SHQ1: variants seen among roughly 807,000 people sequenced by gnomAD.
SHQ1 encodes SHQ1, H/ACA ribonucleoprotein assembly factor, also known as protein SHQ1 homolog.
In SHQ1, 49 loss-of-function variants were observed where a neutral mutation model predicts 53.8. The ratio of observed to expected loss-of-function variants is 0.91; its 90% CI spans 0.72 to 1.16. SHQ1 has a LOEUF of 1.16. Among genes scored for constraint, SHQ1 ranks in the 50% most tolerant of loss-of-function variants. SHQ1 has a pLI of 0.00. For missense variants in SHQ1, 738 were observed against 683.1 expected, an observed-to-expected ratio of 1.08 and a Z score of -0.90; for synonymous variants, 243 against 251.0, an observed-to-expected ratio of 0.97 and a Z score of 0.30.
At position 72,844,394 on chromosome 3, in the gene SHQ1, T is replaced by A. The variant is rs1318215376; in HGVS notation, c.173A>T (p.Asn58Ile). The A allele has an allele frequency of 3.7e-6, 6 of 1,613,742 alleles. No individual in the cohort carries two copies. Among genetic ancestry groups the A allele is most frequent in the Non-Finnish European group, 5.1e-6 (6 of 1,179,860 alleles). ...ATCATAGGACCCTTGCTCACTTCCATTTTCTACAATTCTTCCAGGAAGGGT... is the reference window on the plus strand; with the variant it reads ...ATCATAGGACCCTTGCTCACTTCCAATTTCTACAATTCTTCCAGGAAGGGT... The part of the protein sequence containing the change: ...RLTLPGRIVE[N>I]GSEQGSYDAD... Residue 58 changes from asparagine to isoleucine, a missense_variant, in exon 2 of 11, where the codon AAT becomes ATT. By Grantham distance (149) the Asn-to-Ile change is moderately radical. Coordinates refer to ENST00000325599, the MANE Select transcript of SHQ1 (RefSeq NM_018130.3).
Position 72,832,424 on chromosome 3 carries a change from G to A in SHQ1, c.544C>T (p.Arg182Ter), listed in dbSNP as rs1040831506. 17 of 1,612,786 alleles carry A rather than the reference G, an allele frequency of 1.1e-5. No individual in the cohort carries two copies. The highest frequency in any genetic ancestry group is 1.9e-4 in the Middle Eastern group (1 of 5,188). The change falls in exon 5 of 11, where the codon CGA becomes TGA. Residue 182 changes from arginine to a stop codon, truncating the protein, a stop_gained. Coordinates refer to ENST00000325599, the MANE Select transcript of SHQ1 (RefSeq NM_018130.3). LOFTEE classifies it high-confidence loss of function. ...KDPDFTPAAE[R>*]RQKRLAAELA... ...TCAGCGGCCAGGCGCTTCTGTCTTC[G>A]TTCAGCTGCAGGGGTGAAATCTGGA...
intron 9 of SHQ1, among the ~76,000 whole-genome samples, chr3:72,799,080 G>A (rs1030246839): frequency 3.3e-5 from 5 of 151,912 alleles, no homozygotes; most frequent in Admixed American, 1.3e-4. Flanking sequence ...CAACACTATA[G>A]GAGGCGCCAA....
intron 10 of SHQ1, among the ~76,000 whole-genome samples, chr3:72,775,119 A>T (rs571617829): frequency 6.6e-6 from 1 of 152,264 alleles, no homozygotes; most frequent in African/African-American, 2.4e-5. Flanking sequence ...CGTCTCCAAA[A>T]ATAAAAAATA....
intron 10 of SHQ1, among the ~76,000 whole-genome samples, chr3:72,762,785 C>T (rs1458588790): frequency 6.6e-6 from 1 of 152,116 alleles, no homozygotes; most frequent in African/African-American, 2.4e-5. Context: ...AGCAATTCTC[C>T]TGCCTCAGCC....
intron 10 of SHQ1, among the ~76,000 whole-genome samples, chr3:72,777,961 T>C (rs1000988706): frequency 6.6e-6 from 1 of 152,174 alleles, no homozygotes; most frequent in Non-Finnish European, 1.5e-5. Flanking sequence ...ACCATACATA[T>C]AGCATGATTC....
the SHQ1 span, among the ~76,000 whole-genome samples, chr3:72,725,454 T>C: frequency 6.6e-6 from 1 of 152,180 alleles, no homozygotes; most frequent in African/African-American, 2.4e-5. Context: ...CTCACAGGGC[T>C]GCTTCTTTCT....
In SHQ1 at chr3:72,787,779, G is replaced by A. The variant is rs963439911; in HGVS notation, c.1181+5137C>T. Among the ~76,000 whole-genome samples, 4 of 151,540 alleles carry A rather than the reference G, an allele frequency of 2.6e-5. 1 individual carries two copies. The highest frequency in any genetic ancestry group is 1.3e-4 in the Admixed American group (2 of 15,218). On this transcript the variant is annotated intron_variant, in intron 10 of 10. Coordinates refer to ENST00000325599, the MANE Select transcript of SHQ1 (RefSeq NM_018130.3). ...TCTGATGCCGAGCGGAGGCTGGACT[G>A]TACTGCCGCCATCTCGACTCACTGC...
At chr3:72,822,486 T>C (rs141650573) in intron 6 of SHQ1, among the ~76,000 whole-genome samples, 182 of 152,300 alleles carry the variant, frequency 1.2e-3, no homozygotes, top group Non-Finnish European at 2.0e-3. Context: ...CTACAGTTTA[T>C]CAAAGTAGAG....
chr3:72,772,894 C>T (rs1271467064), intron 10 of SHQ1: 2 of 789,516 alleles, frequency 2.5e-6, no homozygotes, highest in African/African-American at 1.7e-5. Context: ...ATTGGAAGCA[C>T]AGGCTGTTAC....
chr3:72,786,968 C>T (rs11922180), intron 10 of SHQ1, among the ~76,000 whole-genome samples: 31,258 of 152,128 alleles, frequency 0.21, 3,506 homozygotes, highest in Non-Finnish European at 0.24. Context: ...ATAATCCTAT[C>T]CCCTTCAAAA....
the SHQ1 span, among the ~76,000 whole-genome samples, chr3:72,744,208 A>G: frequency 3.3e-5 from 5 of 152,182 alleles, no homozygotes; most frequent in Admixed American, 6.5e-5. Flanking sequence ...GTTCTTGCCA[A>G]TTCTTCTCCT....
At chr3:72,847,098 C>T (rs1037220366) in intron 1 of SHQ1, among the ~76,000 whole-genome samples, 1 of 152,160 alleles carries the variant, frequency 6.6e-6, no homozygotes, top group African/African-American at 2.4e-5. Flanking sequence ...TACATGAGGG[C>T]AGGACTTTGT....
intron 9 of SHQ1, among the ~76,000 whole-genome samples, chr3:72,796,399 T>G (rs2106807664): frequency 6.6e-6 from 1 of 152,318 alleles, no homozygotes; most frequent in Middle Eastern, 3.4e-3. Flanking sequence ...AGCCATTACC[T>G]GATAAAATTA....
intron 1 of SHQ1, among the ~76,000 whole-genome samples, chr3:72,846,823 G>T (rs1708346246): frequency 6.6e-6 from 1 of 152,146 alleles, no homozygotes; most frequent in South Asian, 2.1e-4. Context: ...ATAAAGCCTC[G>T]TTGTAACACT....
At chr3:72,834,917 C>T (rs1015521451) in intron 4 of SHQ1, among the ~76,000 whole-genome samples, 1 of 152,072 alleles carries the variant, frequency 6.6e-6, no homozygotes, top group African/African-American at 2.4e-5. Context: ...TTGGGCTTAA[C>T]ACAATGCACA....
At chr3:72,808,755 GTAT>G (rs139911774) in intron 9 of SHQ1, among the ~76,000 whole-genome samples, 2,367 of 152,174 alleles carry the variant, frequency 0.016, 67 homozygotes, top group African/African-American at 0.054. Context: ...CCACCTGTAT[GTAT>G]TATTAACACA....
At chr3:72,778,753 C>A (rs1393676828) in intron 10 of SHQ1, among the ~76,000 whole-genome samples, 1 of 152,056 alleles carries the variant, frequency 6.6e-6, no homozygotes, top group African/African-American at 2.4e-5. Flanking sequence ...GGCCATTATC[C>A]AGAATTATGA....
At chr3:72,762,547 A>G (rs930092414) in intron 10 of SHQ1, among the ~76,000 whole-genome samples, 1 of 152,108 alleles carries the variant, frequency 6.6e-6, no homozygotes, top group African/African-American at 2.4e-5. Context: ...AGTCCCATGA[A>G]CCTCTTGGAA....
intron 4 of SHQ1, among the ~76,000 whole-genome samples, chr3:72,837,705 T>C (rs1708042867): frequency 1.3e-5 from 2 of 152,226 alleles, no homozygotes; most frequent in African/African-American, 4.8e-5. Context: ...AAATCTCTTA[T>C]TTGTGATCAT....
Sources: gnomAD v4.1 joint callset for allele counts (sites outside exome capture counted in the v4.1 genomes callset) on GRCh38, gnomAD v4.1.1 for gene constraint, MANE v1.5 for transcripts, NCBI Gene and HGNC (gene_info 2026-07-23, HGNC 2026-07-21) for gene names.